Variants in GALNTL6 observed in about 807,000 individuals in gnomAD.
GALNTL6 encodes polypeptide N-acetylgalactosaminyltransferase-like 6.
A neutral mutation model predicts 73.7 loss-of-function variants in GALNTL6; 46 were observed. That is an observed-to-expected ratio of 0.62 (90% CI 0.49 to 0.80). GALNTL6 has a LOEUF of 0.80. GALNTL6 is among the 30% of genes least tolerant of loss of function. The pLI, the probability that GALNTL6 is intolerant of heterozygous loss-of-function variation, is 0.00. For synonymous variants in GALNTL6, 259 were observed against 263.7 expected (o/e 0.98, Z 0.17); for missense variants, 604 against 755.0 (o/e 0.80, Z 2.34).
chr4:172,160,417 T>C (rs1734420946), intron 2 of GALNTL6, among the ~76,000 whole-genome samples: 1 of 151,930 alleles, frequency 6.6e-6, no homozygotes, highest in Non-Finnish European at 1.5e-5. Flanking sequence ...ACACATCTGT[T>C]AATTTGAATG....
chr4:172,012,962 C>T (rs995670831), intron 2 of GALNTL6, among the ~76,000 whole-genome samples: 3 of 152,040 alleles, frequency 2.0e-5, no homozygotes, highest in Admixed American at 6.6e-5. Context: ...ACTCTCCTCA[C>T]TCCAGTCCCT....
chr4:171,970,530 T>C (rs907814480), intron 2 of GALNTL6, among the ~76,000 whole-genome samples: 13 of 152,312 alleles, frequency 8.5e-5, no homozygotes, highest in African/African-American at 2.9e-4. Context: ...GTTTTCAAGA[T>C]AAAAATCTTA....
At chr4:172,526,326 T>C (rs1054253171) in intron 5 of GALNTL6, among the ~76,000 whole-genome samples, 7 of 152,200 alleles carry the variant, frequency 4.6e-5, no homozygotes, top group Admixed American at 1.3e-4. Context: ...TTCTTCTCTA[T>C]CCTCACGGCT....
intron 2 of GALNTL6, among the ~76,000 whole-genome samples, chr4:172,214,431 G>T (rs941081990): frequency 1.3e-5 from 2 of 151,556 alleles, no homozygotes; most frequent in African/African-American, 4.8e-5. Flanking sequence ...CTTTTTCAAA[G>T]AACTAGCTTT....
chr4:172,371,134 G>A (rs1297993793), intron 5 of GALNTL6, among the ~76,000 whole-genome samples: 1 of 152,156 alleles, frequency 6.6e-6, no homozygotes, highest in Non-Finnish European at 1.5e-5. Flanking sequence ...ACCAATTATT[G>A]GACAGTTTTC....
intron 12 of GALNTL6, among the ~76,000 whole-genome samples, chr4:173,028,598 T>C (rs1753329355): frequency 6.6e-6 from 1 of 152,196 alleles, no homozygotes; most frequent in African/African-American, 2.4e-5. Context: ...AATGTCTATA[T>C]GGCCTGCCTA....
In GALNTL6 at chr4:172,712,354, C is replaced by T. The variant is rs149422152; in HGVS notation, c.554-97007C>T. ...ATGTGCAGAACGTGCAGGTTAGTTA[C>T]GTATGTATACATGTGCCATGTTGGT... On this transcript the variant is annotated intron_variant, in intron 5 of 12. Coordinates refer to ENST00000506823, the MANE Select transcript of GALNTL6 (RefSeq NM_001034845.3). 3.4e-3 allele frequency among the ~76,000 whole-genome samples: 523 copies of T among 152,130 alleles called. 8 individuals are homozygous for T. Among genetic ancestry groups the T allele is most frequent in the African/African-American group, 0.012 (480 of 41,480 alleles).
At position 172,406,883 on chromosome 4, in the gene GALNTL6, C is replaced by T. The variant is rs185158293; in HGVS notation, c.553+58194C>T. 1.2e-4 allele frequency among the ~76,000 whole-genome samples: 18 copies of T among 151,934 alleles called. No individual in the cohort carries two copies. In the East Asian group the frequency reaches 2.5e-3, roughly 21 times the overall value. Reference sequence around the variant, plus strand: ...AGTTTCAATAATTCAAGATGAGAACCAAATATTAAATAGCTTTCGTGTCTT... The same window carrying T: ...AGTTTCAATAATTCAAGATGAGAACTAAATATTAAATAGCTTTCGTGTCTT... On this transcript the variant is annotated intron_variant, in intron 5 of 12. Transcript: ENST00000506823.
intron 2 of GALNTL6, among the ~76,000 whole-genome samples, chr4:171,989,072 C>G (rs760650529): frequency 6.6e-6 from 1 of 151,962 alleles, no homozygotes; most frequent in East Asian, 1.9e-4. Context: ...TAAGTTGGCA[C>G]CAGAGTTGGG....
At chr4:172,570,814 C>T (rs1040117048) in intron 5 of GALNTL6, among the ~76,000 whole-genome samples, 1 of 151,860 alleles carries the variant, frequency 6.6e-6, no homozygotes, top group Non-Finnish European at 1.5e-5. Context: ...CAGTGGGAGC[C>T]CTGAGGTTGT....
intron 5 of GALNTL6, among the ~76,000 whole-genome samples, chr4:172,629,930 G>C (rs1316713162): frequency 2.6e-5 from 4 of 152,086 alleles, no homozygotes; most frequent in African/African-American, 9.7e-5. Context: ...TTCCCTCAGG[G>C]ATTATTATTA....
intron 12 of GALNTL6, among the ~76,000 whole-genome samples, chr4:173,034,779 G>A (rs1422424577): frequency 6.6e-6 from 1 of 152,142 alleles, no homozygotes; most frequent in South Asian, 2.1e-4. Context: ...CCTCTGAACA[G>A]GCTATGTGTT....
intron 2 of GALNTL6, among the ~76,000 whole-genome samples, chr4:172,131,406 A>AATATATATATATATAT (rs772791571): frequency 1.6e-3 from 220 of 137,440 alleles, no homozygotes; most frequent in African/African-American, 5.7e-3. Flanking sequence ...ATGCCTTTAA[A>AATATATATATATATAT]ATATATATAT....
chr4:172,803,246 C>A (rs1244096054), intron 5 of GALNTL6, among the ~76,000 whole-genome samples: 1 of 152,186 alleles, frequency 6.6e-6, no homozygotes, highest in Non-Finnish European at 1.5e-5. Context: ...AGGAACCTGG[C>A]CACAGCAGGA....
At chr4:172,849,024 A>C (rs902442021) in intron 7 of GALNTL6, among the ~76,000 whole-genome samples, 8 of 152,166 alleles carry the variant, frequency 5.3e-5, no homozygotes, top group African/African-American at 1.9e-4. Context: ...CACCACCAAG[A>C]AATACTGTTG....
chr4:172,567,573 C>T (rs147416234), intron 5 of GALNTL6, among the ~76,000 whole-genome samples: 1 of 152,262 alleles, frequency 6.6e-6, no homozygotes, highest in African/African-American at 2.4e-5. Context: ...TGGTAGCTCA[C>T]GCCTGTAATC....
intron 2 of GALNTL6, among the ~76,000 whole-genome samples, chr4:171,906,345 A>G (rs1303424290): frequency 2.0e-5 from 3 of 151,522 alleles, no homozygotes; most frequent in Non-Finnish European, 4.4e-5. Flanking sequence ...ACAAACTACC[A>G]TCAGAGAATA....
intron 2 of GALNTL6, among the ~76,000 whole-genome samples, chr4:172,101,293 C>A (rs1732510005): frequency 6.6e-6 from 1 of 152,128 alleles, no homozygotes; most frequent in Admixed American, 6.6e-5. Context: ...CTTTCCAATC[C>A]ATAGCTATAA....
rs548891713 is a variant in GALNTL6, at chr4:171,937,831, G to A, written c.138+123113G>A. On this transcript the variant is annotated intron_variant, in intron 2 of 12. Transcript: ENST00000506823. Reference sequence around the variant, plus strand: ...CCCAATTTTAGTGTTTTAATTATTTGCTAATGAATAAACATGGAAAAATAG... The same window carrying A: ...CCCAATTTTAGTGTTTTAATTATTTACTAATGAATAAACATGGAAAAATAG... Among the ~76,000 whole-genome samples, 9 of 152,188 alleles carry A rather than the reference G, an allele frequency of 5.9e-5. No homozygotes were observed. In the South Asian group the frequency reaches 1.0e-3, roughly 18 times the overall value.
Sources: gnomAD v4.1 joint callset for allele counts (sites outside exome capture counted in the v4.1 genomes callset) on GRCh38, gnomAD v4.1.1 for gene constraint, MANE v1.5 for transcripts, NCBI Gene and HGNC (gene_info 2026-07-23, HGNC 2026-07-21) for gene names.